Variants in ZNF385D observed in about 807,000 individuals in gnomAD.
ZNF385D encodes the protein zinc finger protein 385D, also known as zinc finger protein 659.
Under a neutral mutation model 35.8 loss-of-function variants are expected in ZNF385D, and 15 were observed. The observed-to-expected ratio is 0.42, with a 90% CI of 0.28 to 0.64. The LOEUF (loss-of-function observed/expected upper bound fraction) is 0.64. Among genes scored for constraint, ZNF385D ranks in the 30% least tolerant of loss-of-function variants. ZNF385D has a pLI of 0.23. For missense variants in ZNF385D, 474 were observed against 494.6 expected (o/e 0.96, Z 0.39); for synonymous variants, 212 against 186.8 (o/e 1.13, Z -1.10).
chr3:21,606,573 TAAG>T (rs771149473), intron 2 of ZNF385D, among the ~76,000 whole-genome samples: 3 of 152,158 alleles, frequency 2.0e-5, no homozygotes, highest in Non-Finnish European at 4.4e-5. Flanking sequence ...GCAAGACTAA[TAAG>T]AAGAGAACAG....
intron 2 of ZNF385D, among the ~76,000 whole-genome samples, chr3:22,224,541 G>T (rs180920777): frequency 2.6e-5 from 4 of 152,100 alleles, no homozygotes; most frequent in Admixed American, 1.3e-4. Context: ...AAACTGCAGC[G>T]ACTGGCAAAG....
At chr3:21,814,669 C>T (rs1354548458) in intron 3 of ZNF385D, among the ~76,000 whole-genome samples, 1 of 152,078 alleles carries the variant, frequency 6.6e-6, no homozygotes, top group East Asian at 1.9e-4. Context: ...ACAGGAGCAC[C>T]CAGATTCATA....
intron 2 of ZNF385D, among the ~76,000 whole-genome samples, chr3:22,191,350 G>A (rs1022837997): frequency 1.3e-5 from 2 of 151,968 alleles, no homozygotes; most frequent in Non-Finnish European, 2.9e-5. Context: ...AGCCGCGCAT[G>A]GTGGTGCATG....
intron 3 of ZNF385D, among the ~76,000 whole-genome samples, chr3:21,874,154 T>A (rs1297904265): frequency 6.6e-6 from 1 of 152,012 alleles, no homozygotes; most frequent in Non-Finnish European, 1.5e-5. Flanking sequence ...TGCTATCACT[T>A]CTTCCTTTTT....
chr3:21,802,473 C>A (rs1234792974), intron 3 of ZNF385D, among the ~76,000 whole-genome samples: 1 of 152,088 alleles, frequency 6.6e-6, no homozygotes, highest in African/African-American at 2.4e-5. Context: ...TAACAGACAT[C>A]TCCAAGTAAA....
In ZNF385D at chr3:22,034,979, A is replaced by G. The variant is rs373098792; in HGVS notation, c.325+133838T>C. 4.6e-5 allele frequency among the ~76,000 whole-genome samples: 7 copies of G among 152,328 alleles called. No individual in the cohort carries two copies. In the South Asian group the frequency reaches 1.4e-3, roughly 32 times the overall value. On this transcript the variant is annotated intron_variant, in intron 3 of 5. Coordinates refer to the ZNF385D transcript ENST00000494108. ...TAAAACATATCAATAGGAAAAATTT[A>G]TAAAATGGTACAATTTTTATATTGT...
At chr3:22,276,435 G>C (rs923940706) in intron 2 of ZNF385D, among the ~76,000 whole-genome samples, 1 of 152,060 alleles carries the variant, frequency 6.6e-6, no homozygotes, top group African/African-American at 2.4e-5. Context: ...TACATTACTG[G>C]ACTAAAAGTT....
chr3:21,841,689 T>A (rs1695686965), intron 3 of ZNF385D, among the ~76,000 whole-genome samples: 1 of 151,982 alleles, frequency 6.6e-6, no homozygotes, highest in African/African-American at 2.4e-5. Context: ...TAAACACAAG[T>A]ATAAGTATGC....
chr3:22,228,110 T>C (rs1008290199), intron 2 of ZNF385D, among the ~76,000 whole-genome samples: 8 of 152,136 alleles, frequency 5.3e-5, no homozygotes, highest in African/African-American at 1.4e-4. Context: ...GATGGTAAGA[T>C]AGCAGAGATG....
At chr3:21,491,167 G>T (rs1264065700) in intron 4 of ZNF385D, among the ~76,000 whole-genome samples, 6 of 141,742 alleles carry the variant, frequency 4.2e-5, no homozygotes, top group Non-Finnish European at 6.1e-5. Context: ...ACAGGCAAAA[G>T]GGGTGGTACA....
intron 2 of ZNF385D, among the ~76,000 whole-genome samples, chr3:22,204,520 C>T (rs1366510502): frequency 6.6e-6 from 1 of 151,948 alleles, no homozygotes; most frequent in Non-Finnish European, 1.5e-5. Context: ...CTAAGTAAGA[C>T]ACAAGGGACC....
intron 3 of ZNF385D, among the ~76,000 whole-genome samples, chr3:21,979,074 G>A (rs1359408406): frequency 6.6e-6 from 1 of 152,076 alleles, no homozygotes; most frequent in Non-Finnish European, 1.5e-5. Flanking sequence ...GAAAATAGTT[G>A]TGACTATCTC....
intron 2 of ZNF385D, among the ~76,000 whole-genome samples, chr3:21,657,342 G>T (rs1384047257): frequency 6.6e-6 from 1 of 151,836 alleles, no homozygotes; most frequent in East Asian, 1.9e-4. Flanking sequence ...TTAGCCTTTG[G>T]TTTCTAAGTC....
rs149251150 is a variant in ZNF385D at position 22,186,396 on chromosome 3, G to A, written c.107-17361C>T. ...CATGGAAACACAGGAACAAGTCACA[G>A]AAGGGAGTGTCACCTGGGTTTGTTA... On this transcript the variant is annotated intron_variant, in intron 2 of 5. Transcript: ENST00000494108. Among the ~76,000 whole-genome samples the A allele has an allele frequency of 5.6e-3, 854 of 152,298 alleles. 4 individuals are homozygous for A. The highest frequency in any genetic ancestry group is 0.019 in the African/African-American group (797 of 41,570).
chr3:21,640,260 G>A (rs781495067), intron 2 of ZNF385D, among the ~76,000 whole-genome samples: 4 of 151,890 alleles, frequency 2.6e-5, no homozygotes, highest in Non-Finnish European at 5.9e-5. Context: ...TGGTTCCCTG[G>A]CTTTTTTCCA....
At chr3:21,793,595 T>C (rs1295051540) in intron 3 of ZNF385D, among the ~76,000 whole-genome samples, 19 of 152,344 alleles carry the variant, frequency 1.2e-4, no homozygotes. Context: ...AAGGCTGATC[T>C]TCAGGTAAAA....
At chr3:21,834,607 G>A (rs1265697916) in intron 3 of ZNF385D, among the ~76,000 whole-genome samples, 1 of 152,146 alleles carries the variant, frequency 6.6e-6, no homozygotes, top group Non-Finnish European at 1.5e-5. Context: ...GTGAGCCAAT[G>A]AAAAGCTTCA....
intron 4 of ZNF385D, among the ~76,000 whole-genome samples, chr3:21,444,729 A>T (rs4858001): frequency 0.33 from 50,289 of 151,884 alleles, 10,211 homozygotes; most frequent in African/African-American, 0.57. Context: ...CTTCATAGGG[A>T]CCGGCCATTT....
intron 3 of ZNF385D, among the ~76,000 whole-genome samples, chr3:22,100,396 C>A (rs554126632): frequency 2.0e-5 from 3 of 147,854 alleles, no homozygotes; most frequent in Admixed American, 6.8e-5. Context: ...ATGTTTATTG[C>A]GGCAGTATTC....
Sources: gnomAD v4.1 joint callset for allele counts (sites outside exome capture counted in the v4.1 genomes callset) on GRCh38, gnomAD v4.1.1 for gene constraint, MANE v1.5 for transcripts, NCBI Gene and HGNC (gene_info 2026-07-23, HGNC 2026-07-21) for gene names.